Variants in PRH1 observed in about 807,000 individuals in gnomAD.
PRH1 encodes the protein proline rich protein HaeIII subfamily 1.
Under a neutral mutation model 7.9 loss-of-function variants are expected in PRH1, and 7 were observed. The ratio of observed to expected loss-of-function variants is 0.89; its 90% CI spans 0.50 to 1.67. The LOEUF is 1.67. PRH1 is among the 40% of genes most tolerant of loss of function. The probability of loss-of-function intolerance (pLI) is 0.00; values close to 1 mark genes in which losing one functional copy is unlikely to be tolerated. For synonymous variants in PRH1, 45 were observed against 80.8 expected (o/e 0.56, Z 2.38); for missense variants, 109 against 223.6 (o/e 0.49, Z 3.27).
chr12:11,022,551 G>C (rs142814206), intron 1 of PRH1: 12 of 1,611,124 alleles, frequency 7.4e-6, no homozygotes, highest in African/African-American at 1.3e-5. Flanking sequence ...TTGATGAAAT[G>C]ATGAGCAGAA....
chr12:10,883,767 T>A (rs1949446195), intron 1 of PRH1, among the ~76,000 whole-genome samples: 1 of 152,174 alleles, frequency 6.6e-6, no homozygotes, highest in East Asian at 1.9e-4. Flanking sequence ...TGTGTTTATC[T>A]CCTTCATTAA....
At chr12:11,167,759 C>CG (rs1947623972) in intron 1 of PRH1, among the ~76,000 whole-genome samples, 1 of 152,152 alleles carries the variant, frequency 6.6e-6, no homozygotes, top group African/African-American at 2.4e-5. Flanking sequence ...TTCTAACAAG[C>CG]TCAAAATAAA....
intron 1 of PRH1, among the ~76,000 whole-genome samples, chr12:11,075,680 G>GAT (rs1403168869): frequency 1.7e-5 from 2 of 118,374 alleles, no homozygotes; most frequent in Non-Finnish European, 4.0e-5. Context: ...TCACACACCT[G>GAT]ATATAGCTGC....
At chr12:10,918,543 G>A (rs1434933157) in intron 2 of PRH1, among the ~76,000 whole-genome samples, 1 of 152,166 alleles carries the variant, frequency 6.6e-6, no homozygotes, top group African/African-American at 2.4e-5. Flanking sequence ...AATGGGTGAA[G>A]TCCAAAAAGC....
At chr12:11,036,115 C>G (rs1169251523) in intron 1 of PRH1, among the ~76,000 whole-genome samples, 5 of 152,142 alleles carry the variant, frequency 3.3e-5, no homozygotes, top group South Asian at 2.1e-4. Context: ...GGATGGTCTC[C>G]ATCTCCTGAC....
At chr12:10,931,239 C>G in intron 2 of PRH1, 1 of 1,447,196 alleles carries the variant, frequency 6.9e-7, no homozygotes, top group Non-Finnish European at 9.2e-7. Context: ...GTAGCAAGAT[C>G]TTGTTTTTAA....
intron 1 of PRH1, chr12:11,133,714 C>T: frequency 6.2e-7 from 1 of 1,614,140 alleles, no homozygotes. Context: ...TGGTTAGAGT[C>T]ATATTTGAAT....
At chr12:11,164,450 C>T (rs532111053) in intron 1 of PRH1, among the ~76,000 whole-genome samples, 1 of 152,154 alleles carries the variant, frequency 6.6e-6, no homozygotes, top group Non-Finnish European at 1.5e-5. Context: ...CCTTTTTACA[C>T]ATGTTTATTA....
At chr12:11,018,244 G>A (rs1055294816) in intron 1 of PRH1, among the ~76,000 whole-genome samples, 5 of 152,290 alleles carry the variant, frequency 3.3e-5, no homozygotes, top group South Asian at 2.1e-4. Flanking sequence ...AGGATTATCC[G>A]CTGTCTGAAA....
chr12:11,096,781 G>T (rs541298524), intron 1 of PRH1, among the ~76,000 whole-genome samples: 2 of 112,594 alleles, frequency 1.8e-5, no homozygotes, highest in African/African-American at 3.0e-5. Context: ...AATTTTATGC[G>T]GTTTTTGTTT....
At chr12:10,936,741 C>T (rs949618200) in intron 2 of PRH1, among the ~76,000 whole-genome samples, 2 of 152,086 alleles carry the variant, frequency 1.3e-5, no homozygotes, top group African/African-American at 4.8e-5. Context: ...ATAAAGACAC[C>T]AGTCCTATTG....
At chr12:10,913,785 C>T (rs1257363504) in intron 2 of PRH1, among the ~76,000 whole-genome samples, 2 of 152,154 alleles carry the variant, frequency 1.3e-5, no homozygotes, top group Non-Finnish European at 2.9e-5. Context: ...TATAAGACTG[C>T]AAATTTCTCA....
At chr12:11,086,446 T>C (rs1338944316) in intron 1 of PRH1, among the ~76,000 whole-genome samples, 2 of 147,890 alleles carry the variant, frequency 1.4e-5, no homozygotes, top group African/African-American at 5.0e-5. Context: ...GATGTTAAAA[T>C]CAGTCTCCAA....
chr12:11,133,179 T>C (rs1352626198), intron 1 of PRH1: 4 of 1,419,184 alleles, frequency 2.8e-6, no homozygotes, highest in Middle Eastern at 1.8e-4. Flanking sequence ...TAACTTTAGG[T>C]AAAAGACTTT....
chr12:10,926,907 G>T (rs748666655), intron 2 of PRH1, among the ~76,000 whole-genome samples: 5 of 152,152 alleles, frequency 3.3e-5, no homozygotes, highest in Non-Finnish European at 5.9e-5. Context: ...ATAGTAGAAG[G>T]GAATTGTGTT....
intron 1 of PRH1, among the ~76,000 whole-genome samples, chr12:11,007,246 T>G (rs1940873576): frequency 6.6e-6 from 1 of 152,178 alleles, no homozygotes; most frequent in African/African-American, 2.4e-5. Flanking sequence ...AAAATCAGGT[T>G]GCTGCTAACC....
In PRH1 at chr12:11,036,882, A is replaced by G. The variant is rs35586859; in HGVS notation, c.-126+10138T>C. On this transcript the variant is annotated intron_variant, in intron 1 of 3. Coordinates refer to the PRH1 transcript ENST00000539853. Reference sequence around the variant, plus strand: ...CAGGTGAAAGGGAGAATGCTATTTGATCAGTGTGATTTCAGGCTTGTTTCT... The same window carrying G: ...CAGGTGAAAGGGAGAATGCTATTTGGTCAGTGTGATTTCAGGCTTGTTTCT... 5.3e-5 allele frequency among the ~76,000 whole-genome samples: 8 copies of G among 152,314 alleles called. No homozygotes were observed. In the East Asian group the frequency reaches 1.3e-3, roughly 26 times the overall value.
chr12:11,059,907 GT>G, intron 1 of PRH1, among the ~76,000 whole-genome samples: 1 of 151,962 alleles, frequency 6.6e-6, no homozygotes, highest in Non-Finnish European at 1.5e-5. Flanking sequence ...ATCTATTCTT[GT>G]TGCTGGGTTC....
In PRH1 at chr12:11,087,761, A is replaced by T. The variant is rs1244157822; in HGVS notation, n.124-40573T>A. Among the ~76,000 whole-genome samples, 26 of 116,546 alleles carry T rather than the reference A, an allele frequency of 2.2e-4. 9 individuals carry two copies. Among genetic ancestry groups the T allele is most frequent in the Non-Finnish European group, 4.7e-4 (23 of 49,196 alleles). 76.5% of individuals were successfully genotyped at this position (116,546 alleles called of 152,430 possible). A position where few individuals can be genotyped will look rare whatever the true frequency, so the allele number is the denominator to read the frequency against. On this transcript the variant is annotated intron_variant and non_coding_transcript_variant, in intron 1 of 4. Coordinates refer to the PRH1 transcript ENST00000541977. ...CCTATCTGGCCTCTACCAAAACCAG[A>T]TGGATTACAGAATCAATGCAGACTA...
Sources: allele counts gnomAD v4.1 joint callset (sites outside exome capture counted in the v4.1 genomes callset), GRCh38; gene constraint gnomAD v4.1.1; transcripts MANE v1.5; gene names NCBI Gene and HGNC (gene_info 2026-07-23, HGNC 2026-07-21).